Variants in ABLIM3 observed in about 807,000 individuals in gnomAD.
ABLIM3 encodes actin binding LIM protein family member 3.
In ABLIM3, 61 loss-of-function variants were observed where a neutral mutation model predicts 109.5. The observed-to-expected ratio is 0.56, with a 90% CI of 0.45 to 0.69. The LOEUF is 0.69. ABLIM3 is among the 30% of genes least tolerant of loss of function. ABLIM3 has a pLI of 0.00. For missense variants in ABLIM3, 796 were observed against 889.5 expected (o/e 0.89, Z 1.34); for synonymous variants, 300 against 324.8 (o/e 0.92, Z 0.82).
At chr5:149,180,729 C>A (rs1050319298) in intron 2 of ABLIM3, among the ~76,000 whole-genome samples, 6 of 152,298 alleles carry the variant, frequency 3.9e-5, no homozygotes, top group African/African-American at 1.4e-4. Flanking sequence ...AGAGCTCTGG[C>A]CACACACAGC....
chr5:149,250,136 C>A (rs1298303048), intron 19 of ABLIM3, among the ~76,000 whole-genome samples: 2 of 152,166 alleles, frequency 1.3e-5, no homozygotes, highest in African/African-American at 4.8e-5. Context: ...AATTCCAGGG[C>A]CTTTGTCCAG....
Position 149,252,739 on chromosome 5 carries a change from AC to A in ABLIM3, c.1858-12del, listed in dbSNP as rs906746070. 1.9e-6 allele frequency: 3 copies of A among 1,604,696 alleles called. No individual in the cohort carries two copies. The highest frequency in any genetic ancestry group is 2.7e-5 in the African/African-American group (2 of 74,244). On this transcript the variant is annotated splice_polypyrimidine_tract_variant and intron_variant, in intron 22 of 23. Coordinates refer to ENST00000309868, the MANE Select transcript of ABLIM3 (RefSeq NM_014945.5). ...ACCACCCTCACCCAAGCTGGAGACC[AC>A]CCCCCTTTCTCCTTAGATCTACCCT... is the stretch of plus-strand genomic sequence containing the variant.
intron 8 of ABLIM3, among the ~76,000 whole-genome samples, chr5:149,228,225 C>G (rs1018293977): frequency 5.3e-5 from 8 of 152,140 alleles, no homozygotes; most frequent in African/African-American, 1.7e-4. Flanking sequence ...TGCCCTTAGT[C>G]CTAGTTCTAC....
intron 2 of ABLIM3, among the ~76,000 whole-genome samples, chr5:149,153,976 C>T (rs189487877): frequency 1.2e-4 from 18 of 152,344 alleles, no homozygotes; most frequent in East Asian, 3.9e-4. Flanking sequence ...TCCAAAGCTT[C>T]GTCCTCACAT....
At chr5:149,162,985 G>C (rs1754511738) in intron 2 of ABLIM3, among the ~76,000 whole-genome samples, 1 of 152,230 alleles carries the variant, frequency 6.6e-6, no homozygotes, top group Admixed American at 6.5e-5. Context: ...AAGAAAGGAG[G>C]CCAGTGAGGC....
chr5:149,252,687 CA>C, intron 22 of ABLIM3, 69 bp from the exon 23 acceptor site: 1 of 1,202,614 alleles, frequency 8.3e-7, no homozygotes, highest in South Asian at 1.2e-5. Context: ...AGCCCAGACA[CA>C]AAATGTACCT....
chr5:149,162,448 G>A (rs1356580841), intron 2 of ABLIM3, among the ~76,000 whole-genome samples: 1 of 152,154 alleles, frequency 6.6e-6, no homozygotes, highest in Non-Finnish European at 1.5e-5. Context: ...CAAAAGCATA[G>A]TCTCTACAAC....
At chr5:149,210,301 T>C (rs1449775727) in intron 6 of ABLIM3, among the ~76,000 whole-genome samples, 1 of 152,166 alleles carries the variant, frequency 6.6e-6, no homozygotes, top group Non-Finnish European at 1.5e-5. Context: ...CTGGGACAAG[T>C]TACTAAAGTG....
intron 2 of ABLIM3, among the ~76,000 whole-genome samples, chr5:149,179,876 C>T (rs1259396613): frequency 4.6e-5 from 7 of 152,194 alleles, no homozygotes; most frequent in African/African-American, 1.7e-4. Flanking sequence ...TATTGGACAG[C>T]ATAGATGTCT....
chr5:149,149,196 G>A (rs1476663222), intron 2 of ABLIM3, among the ~76,000 whole-genome samples: 2 of 152,198 alleles, frequency 1.3e-5, no homozygotes, highest in Non-Finnish European at 2.9e-5. Context: ...GATCTATCAT[G>A]TACTCTCTCT....
At chr5:149,211,599 A>G (rs1759560392) in intron 7 of ABLIM3, among the ~76,000 whole-genome samples, 2 of 152,122 alleles carry the variant, frequency 1.3e-5, no homozygotes, top group Admixed American at 6.5e-5. Context: ...CCATATGACA[A>G]TAGCTAGAGG....
intron 3 of ABLIM3, among the ~76,000 whole-genome samples, chr5:149,190,010 A>G (rs1336966220): frequency 6.6e-6 from 1 of 152,274 alleles, no homozygotes; most frequent in Non-Finnish European, 1.5e-5. Context: ...ATCTATCTCC[A>G]CAGAGGGATA....
intron 2 of ABLIM3, among the ~76,000 whole-genome samples, chr5:149,153,530 G>A (rs74982348): frequency 5.3e-4 from 81 of 152,312 alleles, no homozygotes; most frequent in African/African-American, 1.6e-3. Context: ...GTGATTTCAG[G>A]CCATATGGAC....
chr5:149,195,856 C>A (rs1237728782), intron 3 of ABLIM3, among the ~76,000 whole-genome samples: 6 of 152,226 alleles, frequency 3.9e-5, no homozygotes, highest in African/African-American at 1.4e-4. Context: ...CTCCACCACA[C>A]TCCTGCCTCT....
chr5:149,196,616 G>T (rs539201938), intron 3 of ABLIM3, among the ~76,000 whole-genome samples: 2 of 152,344 alleles, frequency 1.3e-5, no homozygotes, highest in Admixed American at 1.3e-4. Context: ...AGAACCAGGG[G>T]AGCTGGTGAC....
intron 2 of ABLIM3, among the ~76,000 whole-genome samples, chr5:149,146,553 A>G (rs886592682): frequency 2.0e-5 from 3 of 152,210 alleles, no homozygotes; most frequent in Non-Finnish European, 4.4e-5. Flanking sequence ...CTGTCCCAGC[A>G]CCATTTATTG....
In ABLIM3 at chr5:149,239,899, G is replaced by A. The variant is rs1030331400; in HGVS notation, c.1204+11G>A. On this transcript the variant is annotated intron_variant, in intron 13 of 23. Transcript: ENST00000309868. ...ACTACTACCGCTCTGGTAAGGAAGG[G>A]GGAGGACCTGAAGGGAGAGGAAGAG... 3.1e-6 allele frequency: 5 copies of A among 1,596,890 alleles called. No individual in the cohort carries two copies. The African/African-American group carries it at 6.8e-5, about 22-fold the overall frequency.
Position 149,210,775 on chromosome 5 carries a change from A to G in ABLIM3, c.625A>G (p.Lys209Glu). ...ESDYHAQFGI[K>E]CETCDRYISG... is the part of the protein sequence containing the mutation. ...CGACTACCATGCCCAGTTTGGCATT[A>G]AATGTGAGACTTGTGACCGATACAT... is the stretch of plus-strand genomic sequence containing the variant. The change falls in exon 7 of 24, where the codon AAA (lysine) becomes GAA (glutamate). Residue 209 changes from lysine (K) to glutamate (E), a missense_variant. Transcript: ENST00000309868. 1 of 1,614,128 alleles carries G rather than the reference A, an allele frequency of 6.2e-7. No individual in the cohort carries two copies. Among genetic ancestry groups the G allele is most frequent in the Non-Finnish European group, 8.5e-7 (1 of 1,179,994 alleles).
At chr5:149,141,714 C>T (rs1752473352) in intron 1 of ABLIM3, 60 bp downstream of exon 1, 2 of 213,650 alleles carry the variant, frequency 9.4e-6, no homozygotes, top group South Asian at 2.5e-4. Flanking sequence ...TGCCCCCGCC[C>T]TGCCTCCCTG....
Sources: allele counts gnomAD v4.1 joint callset (sites outside exome capture counted in the v4.1 genomes callset), GRCh38; gene constraint gnomAD v4.1.1; transcripts MANE v1.5; gene names NCBI Gene and HGNC (gene_info 2026-07-23, HGNC 2026-07-21).